BTBD9: variants seen among roughly 807,000 people sequenced by gnomAD.
BTBD9 encodes BTB domain containing 9.
A neutral mutation model predicts 64.3 loss-of-function variants in BTBD9; 49 were observed. The observed-to-expected ratio is 0.76, with a 90% CI of 0.61 to 0.97. The LOEUF (loss-of-function observed/expected upper bound fraction) is 0.97, where lower values mean the gene tolerates loss of function less well. BTBD9 is among the 50% of genes least tolerant of loss of function. The pLI is 0.00. For synonymous variants in BTBD9, 260 were observed against 274.7 expected (o/e 0.95, Z 0.53); for missense variants, 598 against 762.1 (o/e 0.78, Z 2.53).
intron 6 of BTBD9, among the ~76,000 whole-genome samples, chr6:38,477,451 T>C (rs890284584): frequency 6.6e-6 from 1 of 152,240 alleles, no homozygotes; most frequent in African/African-American, 2.4e-5. Flanking sequence ...TACAATAAGA[T>C]GCTCAGAAGC....
At chr6:38,421,456 G>T (rs1047503245) in intron 6 of BTBD9, among the ~76,000 whole-genome samples, 1 of 152,156 alleles carries the variant, frequency 6.6e-6, no homozygotes, top group Non-Finnish European at 1.5e-5. Context: ...CATGTGTTTT[G>T]GTTTCAAAAT....
At chr6:38,477,590 A>C (rs545426938) in intron 6 of BTBD9, among the ~76,000 whole-genome samples, 3 of 152,332 alleles carry the variant, frequency 2.0e-5, no homozygotes, top group Non-Finnish European at 4.4e-5. Context: ...CTTTATTGCC[A>C]ATTCTCACAT....
At chr6:38,549,962 GA>G (rs1265519960) in intron 6 of BTBD9, among the ~76,000 whole-genome samples, 1 of 152,112 alleles carries the variant, frequency 6.6e-6, no homozygotes, top group East Asian at 1.9e-4. Context: ...TGGCTTTCAA[GA>G]AACTATCCTC....
At chr6:38,318,988 G>A (rs1409444861) in intron 7 of BTBD9, among the ~76,000 whole-genome samples, 5 of 152,210 alleles carry the variant, frequency 3.3e-5, no homozygotes, top group African/African-American at 4.8e-5. Flanking sequence ...CACAGACAAA[G>A]TGCTTCCCAC....
chr6:38,405,613 AC>A (rs1767127906), intron 6 of BTBD9, among the ~76,000 whole-genome samples: 1 of 152,060 alleles, frequency 6.6e-6, no homozygotes, highest in Non-Finnish European at 1.5e-5. Context: ...AAAAAAAAAA[AC>A]AAACAATAAC....
chr6:38,245,707 T>TG (rs915276891), intron 9 of BTBD9, among the ~76,000 whole-genome samples: 5 of 152,034 alleles, frequency 3.3e-5, no homozygotes, highest in South Asian at 2.1e-4. Flanking sequence ...AGAGGGAATG[T>TG]GGGGGGGTCA....
chr6:38,558,798 T>C (rs531119578), intron 6 of BTBD9, among the ~76,000 whole-genome samples: 1 of 152,322 alleles, frequency 6.6e-6, no homozygotes, highest in South Asian at 2.1e-4. Flanking sequence ...AGAATTTTGT[T>C]GAAGATTTTT....
intron 6 of BTBD9, among the ~76,000 whole-genome samples, chr6:38,435,413 C>T (rs1045702416): frequency 2.7e-5 from 4 of 146,678 alleles, no homozygotes; most frequent in Non-Finnish European, 6.0e-5. Flanking sequence ...GGCAGAGAAT[C>T]GCTTGAACCT....
At chr6:38,562,563 G>A (rs968852102) in intron 6 of BTBD9, among the ~76,000 whole-genome samples, 6 of 152,152 alleles carry the variant, frequency 3.9e-5, no homozygotes, top group African/African-American at 1.4e-4. Flanking sequence ...AAAGTTTGGT[G>A]TGTATCCTTC....
At chr6:38,427,132 T>C (rs1171714658) in intron 6 of BTBD9, among the ~76,000 whole-genome samples, 1 of 151,078 alleles carries the variant, frequency 6.6e-6, no homozygotes, top group Non-Finnish European at 1.5e-5. Flanking sequence ...TATCCCTTTA[T>C]GGCAGTGCAG....
chr6:38,222,338 GC>G (rs1763234857), intron 9 of BTBD9, among the ~76,000 whole-genome samples: 1 of 127,226 alleles, frequency 7.9e-6, no homozygotes, highest in African/African-American at 3.0e-5. Flanking sequence ...TCGGCTTACT[GC>G]AAGCTCTGCC....
Position 38,592,762 on chromosome 6 carries a change from A to G in BTBD9, c.628T>C (p.Cys210Arg). Residue 210 changes from cysteine (C) to arginine (R), a missense_variant, in exon 4 of 11, where the codon TGT becomes CGT. Transcript: ENST00000481247. ...KDIFLALLNW[C>R]KHNSKENHAE... ...TGATTCTCCTTTGAATTGTGCTTAC[A>G]CCAGTTTAATAAGGCTAGGAAAATA... is the stretch of plus-strand genomic sequence containing the variant. 1.2e-6 allele frequency: 2 copies of G among 1,614,182 alleles called. No homozygotes were observed. Among genetic ancestry groups the G allele is most frequent in the Non-Finnish European group, 8.5e-7 (1 of 1,180,020 alleles).
intron 7 of BTBD9, among the ~76,000 whole-genome samples, chr6:38,340,721 A>C (rs1373646430): frequency 6.6e-6 from 1 of 152,160 alleles, no homozygotes; most frequent in Non-Finnish European, 1.5e-5. Flanking sequence ...TTCTCTTTCT[A>C]GGGACTAAAT....
chr6:38,254,097 C>CT (rs1156781025), intron 9 of BTBD9, among the ~76,000 whole-genome samples: 1 of 150,756 alleles, frequency 6.6e-6, no homozygotes, highest in Non-Finnish European at 1.5e-5. Flanking sequence ...CTAGGTGTAC[C>CT]TTCTCTGTTC....
chr6:38,434,819 C>T (rs1294395526), intron 6 of BTBD9, among the ~76,000 whole-genome samples: 1 of 151,906 alleles, frequency 6.6e-6, no homozygotes, highest in Admixed American at 6.5e-5. Context: ...ATGTATACTA[C>T]AGTCCCGCAG....
intron 6 of BTBD9, among the ~76,000 whole-genome samples, chr6:38,522,954 G>A (rs936310364): frequency 6.6e-6 from 1 of 152,118 alleles, no homozygotes; most frequent in Non-Finnish European, 1.5e-5. Context: ...AAGCTGAGGC[G>A]GGTGGATCAC....
At chr6:38,568,036 C>T (rs1459824983) in intron 6 of BTBD9, among the ~76,000 whole-genome samples, 3 of 152,046 alleles carry the variant, frequency 2.0e-5, no homozygotes, top group Non-Finnish European at 4.4e-5. Context: ...AAAGCAAGGT[C>T]CAGGAACTGC....
intron 1 of BTBD9, among the ~76,000 whole-genome samples, chr6:38,609,343 C>T (rs1355236273): frequency 2.6e-5 from 4 of 152,054 alleles, no homozygotes; most frequent in Non-Finnish European, 5.9e-5. Flanking sequence ...GCACTCCAGC[C>T]TGGATGACAG....
At chr6:38,314,643 T>C (rs1171410192) in intron 7 of BTBD9, among the ~76,000 whole-genome samples, 1 of 152,150 alleles carries the variant, frequency 6.6e-6, no homozygotes, top group Admixed American at 6.5e-5. Context: ...GACTTTTTAT[T>C]ACGGCTTCAA....
Sources: allele counts gnomAD v4.1 joint callset (sites outside exome capture counted in the v4.1 genomes callset), GRCh38; gene constraint gnomAD v4.1.1; transcripts MANE v1.5; gene names NCBI Gene and HGNC (gene_info 2026-07-23, HGNC 2026-07-21).